The following SDCCAG8 variants were observed in gnomAD, a reference collection of about 807,000 sequenced individuals.
SDCCAG8 encodes SHH signaling and ciliogenesis regulator SDCCAG8.
SDCCAG8 carries 74 observed loss-of-function variants against 101.8 expected under a neutral mutation model. The observed-to-expected ratio is 0.73, with a 90% CI of 0.60 to 0.88. SDCCAG8 has a LOEUF of 0.88. Among genes scored for constraint, SDCCAG8 ranks in the 40% least tolerant of loss-of-function variants. SDCCAG8 has a pLI of 0.00. For missense variants in SDCCAG8, 787 were observed against 822.6 expected (o/e 0.96, Z 0.53); for synonymous variants, 281 against 292.9 (o/e 0.96, Z 0.41).
chr1:243,475,204 C>T (rs1662159816), intron 16 of SDCCAG8, among the ~76,000 whole-genome samples: 1 of 152,178 alleles, frequency 6.6e-6, no homozygotes, highest in Admixed American at 6.5e-5. Context: ...GTTCTACCGC[C>T]GCCACTAAGC....
intron 13 of SDCCAG8, among the ~76,000 whole-genome samples, chr1:243,389,155 C>T (rs377160568): frequency 1.3e-5 from 2 of 149,902 alleles, no homozygotes; most frequent in African/African-American, 2.5e-5. Flanking sequence ...CCCCCTCCCC[C>T]CCCCAAAAAA....
At chr1:243,286,633 C>G (rs2069645053) in intron 5 of SDCCAG8, among the ~76,000 whole-genome samples, 1 of 152,144 alleles carries the variant, frequency 6.6e-6, no homozygotes, top group Non-Finnish European at 1.5e-5. Context: ...TTCTGCCTTA[C>G]CATATGGAAA....
At position 243,380,320 on chromosome 1, in the gene SDCCAG8, C is replaced by G. The variant is rs563512120; in HGVS notation, c.1616+1457C>G. Reference sequence around the variant, plus strand: ...TAGAAGTTTCAGAATTTAGCTTCATCATGGTAATGTTAATAGTTTTTCTTT... The same window carrying G: ...TAGAAGTTTCAGAATTTAGCTTCATGATGGTAATGTTAATAGTTTTTCTTT... On this transcript the variant is annotated intron_variant, in intron 13 of 17. Transcript: ENST00000366541. Among the ~76,000 whole-genome samples the G allele has an allele frequency of 2.0e-5, 3 of 152,310 alleles. No homozygotes were observed. The South Asian group carries it at 6.2e-4, about 32-fold the overall frequency.
chr1:243,348,053 T>TA (rs1237874959), intron 12 of SDCCAG8, among the ~76,000 whole-genome samples: 1 of 147,892 alleles, frequency 6.8e-6, no homozygotes, highest in Non-Finnish European at 1.5e-5. Context: ...TTTTTTTTTT[T>TA]AGGACGGAGT....
chr1:243,291,385 A>G (rs1344459951), intron 5 of SDCCAG8, among the ~76,000 whole-genome samples: 1 of 152,214 alleles, frequency 6.6e-6, no homozygotes, highest in African/African-American at 2.4e-5. Context: ...ATAGTGTTTC[A>G]CATGAAGGAC....
At chr1:243,495,715 G>A (rs532863409) in intron 17 of SDCCAG8, among the ~76,000 whole-genome samples, 15 of 152,316 alleles carry the variant, frequency 9.8e-5, no homozygotes, top group East Asian at 7.7e-4. Context: ...GGTCCTGCTC[G>A]AAGGCCGCGT....
intron 13 of SDCCAG8, among the ~76,000 whole-genome samples, chr1:243,415,388 T>C (rs1443355249): frequency 1.3e-5 from 2 of 152,328 alleles, no homozygotes; most frequent in South Asian, 2.1e-4. Flanking sequence ...GAAACATTCA[T>C]TGATAGTGTA....
intron 5 of SDCCAG8, among the ~76,000 whole-genome samples, chr1:243,292,262 G>A (rs944306284): frequency 3.3e-5 from 5 of 152,176 alleles, no homozygotes; most frequent in African/African-American, 1.2e-4. Flanking sequence ...TTGAGGTGGG[G>A]GAGTGGGGCT....
chr1:243,362,994 G>C (rs1160217619), intron 12 of SDCCAG8, among the ~76,000 whole-genome samples: 3 of 152,146 alleles, frequency 2.0e-5, no homozygotes, highest in African/African-American at 7.2e-5. Flanking sequence ...GTGTCAGCTT[G>C]TCCGAGCTCT....
chr1:243,302,541 G>A (rs761582039), intron 6 of SDCCAG8, among the ~76,000 whole-genome samples: 1 of 152,170 alleles, frequency 6.6e-6, no homozygotes, highest in Non-Finnish European at 1.5e-5. Flanking sequence ...TAGTCTTTTG[G>A]TTGTGCCACA....
intron 9 of SDCCAG8, among the ~76,000 whole-genome samples, chr1:243,318,747 G>A (rs932596043): frequency 7.2e-5 from 11 of 152,146 alleles, no homozygotes; most frequent in Non-Finnish European, 1.3e-4. Context: ...AACCTTCAGT[G>A]AAGGCCCTTG....
At chr1:243,320,285 T>C (rs2073641777) in intron 9 of SDCCAG8, among the ~76,000 whole-genome samples, 1 of 152,192 alleles carries the variant, frequency 6.6e-6, no homozygotes, top group Non-Finnish European at 1.5e-5. Flanking sequence ...ATTACACTTC[T>C]TCCTAGCTTG....
In SDCCAG8 at chr1:243,271,215, G is replaced by GA. The variant is rs2068054640; in HGVS notation, c.306+158dup. On this transcript the variant is annotated intron_variant, in intron 3 of 17. Transcript: ENST00000366541. ...TCTCTTCCCTCTGATTATTTTGGCTGAAAAAATAGATTTCCATGGCAGAGG... is the reference window on the plus strand; with the variant it reads ...TCTCTTCCCTCTGATTATTTTGGCTGAAAAAAATAGATTTCCATGGCAGAGG... The GA allele has an allele frequency of 6.3e-6, 4 of 639,478 alleles. No individual in the cohort carries two copies. The Admixed American group carries it at 7.7e-5, about 12-fold the overall frequency. 39.6% of individuals were successfully genotyped at this position (639,478 alleles called of 1,614,324 possible).
chr1:243,492,383 C>A (rs1412374233), intron 17 of SDCCAG8, among the ~76,000 whole-genome samples: 1 of 132,742 alleles, frequency 7.5e-6, no homozygotes, highest in Non-Finnish European at 1.5e-5. Context: ...CTCACTGCAA[C>A]CTCCGCCTCC....
chr1:243,415,934 A>G, intron 14 of SDCCAG8, 105 bp downstream of exon 14: 2 of 1,382,022 alleles, frequency 1.4e-6, no homozygotes, highest in Non-Finnish European at 1.0e-6. Flanking sequence ...GGCTGGCCGA[A>G]GGGAGCAGAT....
chr1:243,366,537 T>C (rs2076998933), intron 12 of SDCCAG8, among the ~76,000 whole-genome samples: 1 of 152,000 alleles, frequency 6.6e-6, no homozygotes, highest in African/African-American at 2.4e-5. Flanking sequence ...GTGAAAATGA[T>C]GTTTAGACTT....
In SDCCAG8 at chr1:243,455,461, G is replaced by A. The variant is rs1014260053; in HGVS notation, c.1985+28903G>A. 8.5e-5 allele frequency among the ~76,000 whole-genome samples: 13 copies of A among 152,184 alleles called. No individual in the cohort carries two copies. The East Asian group carries it at 2.3e-3, about 27-fold the overall frequency. On this transcript the variant is annotated intron_variant, in intron 16 of 17. Coordinates refer to ENST00000366541, the MANE Select transcript of SDCCAG8 (RefSeq NM_006642.5). ...ATTTTTGTATTTTTAATAGAGTTGG[G>A]TTTCACCATGTTGGCCAGGCTGGTC...
At chr1:243,390,650 C>G (rs2078645384) in intron 13 of SDCCAG8, among the ~76,000 whole-genome samples, 1 of 152,260 alleles carries the variant, frequency 6.6e-6, no homozygotes, top group Non-Finnish European at 1.5e-5. Flanking sequence ...CTCATCTCCC[C>G]TGCCACATAG....
At chr1:243,300,614 C>CA (rs1189037274) in intron 6 of SDCCAG8, among the ~76,000 whole-genome samples, 2 of 152,304 alleles carry the variant, frequency 1.3e-5, no homozygotes, top group East Asian at 3.9e-4. Context: ...CTCTCCACCT[C>CA]ACATTTTACA....
Sources: allele counts gnomAD v4.1 joint callset (sites outside exome capture counted in the v4.1 genomes callset), GRCh38; gene constraint gnomAD v4.1.1; transcripts MANE v1.5; gene names NCBI Gene and HGNC (gene_info 2026-07-23, HGNC 2026-07-21).